Variants in CRK observed in about 807,000 individuals in gnomAD.
The protein encoded by CRK is adapter molecule crk.
A neutral mutation model predicts 29.8 loss-of-function variants in CRK; 4 were observed. That is an observed-to-expected ratio of 0.13 (90% CI 0.07 to 0.31). The LOEUF (loss-of-function observed/expected upper bound fraction) is 0.31, where lower values mean the gene tolerates loss of function less well. Among genes scored for constraint, CRK ranks in the 10% least tolerant of loss-of-function variants. CRK has a pLI of 1.00. For synonymous variants in CRK, 153 were observed against 164.9 expected (o/e 0.93, Z 0.55); for missense variants, 274 against 396.5 (o/e 0.69, Z 2.62).
chr17:1,448,510 C>A (rs557960587), intron 1 of CRK, among the ~76,000 whole-genome samples: 5 of 148,260 alleles, frequency 3.4e-5, no homozygotes, highest in South Asian at 4.3e-4. Flanking sequence ...GTAGTCCCAG[C>A]TGCTGGGGAG....
At chr17:1,450,294 G>A (rs573510933) in intron 1 of CRK, among the ~76,000 whole-genome samples, 15 of 152,216 alleles carry the variant, frequency 9.9e-5, no homozygotes, top group African/African-American at 3.1e-4. Context: ...GGATCACGAG[G>A]TCAGGAGCTC....
At chr17:1,442,494 G>A (rs1426775231) in intron 1 of CRK, among the ~76,000 whole-genome samples, 1 of 151,838 alleles carries the variant, frequency 6.6e-6, no homozygotes, top group Non-Finnish European at 1.5e-5. Flanking sequence ...TTACAGATGT[G>A]AGCCACTGCA....
At position 1,433,509 on chromosome 17, in the gene CRK, C is replaced by T. The variant is rs12949152; in HGVS notation, c.777+3111G>A. Reference sequence around the variant, plus strand: ...CACAGGTGCACACCACCACGCCTGGCTTTTTTTTTTTTTTTTTTTTTTTTT... The same window carrying T: ...CACAGGTGCACACCACCACGCCTGGTTTTTTTTTTTTTTTTTTTTTTTTTT... On this transcript the variant is annotated intron_variant, in intron 2 of 2. Transcript: ENST00000300574. Among the ~76,000 whole-genome samples, 252 of 58,586 alleles carry T rather than the reference C, an allele frequency of 4.3e-3. 10 individuals carry two copies. Among genetic ancestry groups the T allele is most frequent in the African/African-American group, 0.012 (224 of 18,574 alleles). 38.4% of individuals were successfully genotyped at this position (58,586 alleles called of 152,430 possible).
chr17:1,440,247 C>G (rs555118567), intron 1 of CRK, among the ~76,000 whole-genome samples: 1 of 151,098 alleles, frequency 6.6e-6, no homozygotes, highest in East Asian at 2.0e-4. Context: ...TGCGGTGAGC[C>G]GAGATCGCGC....
chr17:1,454,574 C>A (rs2074042217), intron 1 of CRK, among the ~76,000 whole-genome samples: 1 of 152,198 alleles, frequency 6.6e-6, no homozygotes, highest in Admixed American at 6.5e-5. Context: ...ATCCAATTCT[C>A]TATTTCTGGC....
chr17:1,423,198 C>A lies in CRK; in HGVS notation c.*315G>T. Reference sequence around the variant, plus strand: ...GTGTGTAACACTCCTTCCTGTCCATCGGTTTTCCACAGGGTGATTTGCACT... The same window carrying A: ...GTGTGTAACACTCCTTCCTGTCCATAGGTTTTCCACAGGGTGATTTGCACT... On this transcript the variant is annotated 3_prime_UTR_variant, in exon 3 of 3. Coordinates refer to ENST00000300574, the MANE Select transcript of CRK (RefSeq NM_016823.4). 1 of 492,924 alleles carries A rather than the reference C, an allele frequency of 2.0e-6. No homozygotes were observed. The highest frequency in any genetic ancestry group is 3.8e-5 in the South Asian group (1 of 26,050). The allele number at this position is 492,924 out of a possible 1,614,324, so 30.5% of individuals were successfully genotyped here. A position where few individuals can be genotyped will look rare whatever the true frequency, so the allele number is the denominator to read the frequency against.
At chr17:1,453,503 C>A (rs1245975829) in intron 1 of CRK, among the ~76,000 whole-genome samples, 1 of 152,102 alleles carries the variant, frequency 6.6e-6, no homozygotes, top group Non-Finnish European at 1.5e-5. Flanking sequence ...TGGTTCAGGG[C>A]CAACACAGGT....
At chr17:1,425,357 G>T (rs1278543910) in intron 2 of CRK, among the ~76,000 whole-genome samples, 1 of 152,020 alleles carries the variant, frequency 6.6e-6, no homozygotes, top group African/African-American at 2.4e-5. Flanking sequence ...CTCCCAAAGT[G>T]CTATGATTAC....
At position 1,421,350 on chromosome 17, in the gene CRK, G is replaced by C. The variant is rs2073722588; in HGVS notation, c.*2163C>G. On this transcript the variant is annotated 3_prime_UTR_variant, in exon 3 of 3. Coordinates refer to ENST00000300574, the MANE Select transcript of CRK (RefSeq NM_016823.4). ...ACAAGGTTTTTCTACAAGTATTTTT[G>C]ATGCCATACTTTCAGGAAAACAAGA... is the stretch of plus-strand genomic sequence containing the variant. 6.6e-6 allele frequency: 1 copy of C among 152,196 alleles called. No homozygotes were observed. The highest frequency in any genetic ancestry group is 1.5e-5 in the Non-Finnish European group (1 of 68,032). 9.4% of individuals were successfully genotyped at this position (152,196 alleles called of 1,614,324 possible). A position where few individuals can be genotyped will look rare whatever the true frequency, so the allele number is the denominator to read the frequency against.
intron 2 of CRK, among the ~76,000 whole-genome samples, chr17:1,430,652 A>C (rs889485695): frequency 1.8e-4 from 27 of 149,124 alleles, no homozygotes; most frequent in Non-Finnish European, 3.6e-4. Flanking sequence ...GGCGTGAGCC[A>C]CCACACCCAG....
chr17:1,451,880 G>A (rs1343301050), intron 1 of CRK, among the ~76,000 whole-genome samples: 3 of 152,126 alleles, frequency 2.0e-5, no homozygotes, highest in African/African-American at 4.8e-5. Flanking sequence ...AGCTACTCGG[G>A]AGGCTGAGGC....
intron 1 of CRK, among the ~76,000 whole-genome samples, chr17:1,450,002 C>G (rs1231859578): frequency 1.3e-5 from 2 of 151,534 alleles, no homozygotes; most frequent in Non-Finnish European, 3.0e-5. Flanking sequence ...AGATCGAGAC[C>G]AGCCTGGCCA....
Position 1,423,237 on chromosome 17 carries a change from G to T in CRK, c.*276C>A. Reference sequence around the variant, plus strand: ...GTGATTTGCACTGCCTGAGAGAAAGGAGGCAAGATACCTATCCCTTCTGAT... The same window carrying T: ...GTGATTTGCACTGCCTGAGAGAAAGTAGGCAAGATACCTATCCCTTCTGAT... On this transcript the variant is annotated 3_prime_UTR_variant, in exon 3 of 3. Transcript: ENST00000300574. 2.0e-6 allele frequency: 1 copy of T among 504,750 alleles called. No homozygotes were observed. The highest frequency in any genetic ancestry group is 3.5e-6 in the Non-Finnish European group (1 of 287,424). The allele number at this position is 504,750 out of a possible 1,614,324, so 31.3% of individuals were successfully genotyped here.
chr17:1,436,474 CCAA>C, intron 2 of CRK, 143 bp downstream of exon 2: 1 of 817,040 alleles, frequency 1.2e-6, no homozygotes, highest in Non-Finnish European at 1.8e-6. Flanking sequence ...AAGAGAAAAC[CCAA>C]CATTCAATGC....
intron 2 of CRK, among the ~76,000 whole-genome samples, chr17:1,431,704 C>T (rs574236738): frequency 1.9e-4 from 29 of 152,290 alleles, no homozygotes; most frequent in African/African-American, 6.5e-4. Context: ...CCTCCCATCT[C>T]AGTCACTAGA....
chr17:1,447,570 C>T (rs562592378), intron 1 of CRK, among the ~76,000 whole-genome samples: 1 of 151,704 alleles, frequency 6.6e-6, no homozygotes, highest in East Asian at 1.9e-4. Context: ...CAAGAGCGGG[C>T]CAGGCTCTCC....
intron 2 of CRK, 52 bp from the exon 3 acceptor site, chr17:1,423,702 T>C (rs1301641950): frequency 6.2e-7 from 1 of 1,604,522 alleles, no homozygotes; most frequent in Non-Finnish European, 8.5e-7. Context: ...GAATGCAAGC[T>C]GAACAACTCC....
intron 2 of CRK, among the ~76,000 whole-genome samples, chr17:1,432,990 T>A (rs2150903937): frequency 6.6e-6 from 1 of 152,288 alleles, no homozygotes; most frequent in Non-Finnish European, 1.5e-5. Context: ...GAGTCATTCA[T>A]AAAGAAGACT....
intron 1 of CRK, among the ~76,000 whole-genome samples, chr17:1,445,073 G>C (rs1445090888): frequency 6.6e-6 from 1 of 151,938 alleles, no homozygotes; most frequent in African/African-American, 2.4e-5. Context: ...GCATGAACCT[G>C]GGAGGCAGAG....
Sources: allele counts gnomAD v4.1 joint callset (sites outside exome capture counted in the v4.1 genomes callset), GRCh38; gene constraint gnomAD v4.1.1; transcripts MANE v1.5; gene names NCBI Gene and HGNC (gene_info 2026-07-23, HGNC 2026-07-21).